ZCCHC24: variants seen among roughly 807,000 people sequenced by gnomAD.
The protein encoded by ZCCHC24 is zinc finger CCHC-type containing 24, also known as zinc finger CCHC domain-containing protein 24.
Under a neutral mutation model 26.2 loss-of-function variants are expected in ZCCHC24, and 10 were observed. That is an observed-to-expected ratio of 0.38 (90% CI 0.24 to 0.65). The LOEUF is 0.65. Among genes scored for constraint, ZCCHC24 ranks in the 30% least tolerant of loss-of-function variants. ZCCHC24 has a pLI of 0.54. For synonymous variants in ZCCHC24, 144 were observed against 147.1 expected, an observed-to-expected ratio of 0.98 and a Z score of 0.15; for missense variants, 243 against 329.1, an observed-to-expected ratio of 0.74 and a Z score of 2.03.
At chr10:79,386,901 A>G (rs1169847379) in intron 3 of ZCCHC24, among the ~76,000 whole-genome samples, 2 of 152,150 alleles carry the variant, frequency 1.3e-5, no homozygotes, top group African/African-American at 4.8e-5. Context: ...ACACGGGTGC[A>G]GCCTGTCAGA....
intron 2 of ZCCHC24, among the ~76,000 whole-genome samples, chr10:79,419,171 C>A (rs1237783823): frequency 1.3e-5 from 2 of 152,174 alleles, no homozygotes; most frequent in African/African-American, 4.8e-5. Flanking sequence ...TCACACCAAC[C>A]CTCCCATCAG....
intron 1 of ZCCHC24, among the ~76,000 whole-genome samples, chr10:79,437,706 C>T (rs547181712): frequency 1.3e-5 from 2 of 152,350 alleles, no homozygotes; most frequent in South Asian, 4.1e-4. Flanking sequence ...TGTCTCTGCG[C>T]TGCATGAGGG....
chr10:79,409,436 C>T (rs893205882), intron 2 of ZCCHC24, among the ~76,000 whole-genome samples: 2 of 152,156 alleles, frequency 1.3e-5, no homozygotes, highest in Non-Finnish European at 2.9e-5. Flanking sequence ...CCTCTCAGCT[C>T]ATGTGTCTGT....
In ZCCHC24 at chr10:79,386,317, G is replaced by A. The variant is rs750555292; in HGVS notation, c.*28C>T. 4.7e-5 allele frequency: 76 copies of A among 1,602,176 alleles called. No homozygotes were observed. In the East Asian group the frequency reaches 7.4e-4, roughly 16 times the overall value. On this transcript the variant is annotated 3_prime_UTR_variant, in exon 4 of 4. Transcript: ENST00000372336. The stretch of plus-strand genomic sequence containing the variant: ...CAGCGTCTCCTCGGGCTGGCGGGGG[G>A]TGGCTCTGGGTGCGGGCGGGCAGCC...
rs1036175995 is a variant in ZCCHC24, at chr10:79,386,110, C to T, written c.*235G>A. 16 of 594,834 alleles carry T rather than the reference C, an allele frequency of 2.7e-5. No individual in the cohort carries two copies. Among genetic ancestry groups the T allele is most frequent in the South Asian group, 4.2e-5 (2 of 47,868 alleles). The allele number at this position is 594,834 out of a possible 1,614,324, so 36.8% of individuals were successfully genotyped here. ...GTCCCCTCCACTGAGACCCCAGGCC[C>T]GCCTGCAAAAAGCCCCAGACTCCCT... On this transcript the variant is annotated 3_prime_UTR_variant, in exon 4 of 4. Coordinates refer to ENST00000372336, the MANE Select transcript of ZCCHC24 (RefSeq NM_153367.4).
intron 2 of ZCCHC24, among the ~76,000 whole-genome samples, chr10:79,414,904 G>C (rs1013381155): frequency 6.6e-6 from 1 of 152,208 alleles, no homozygotes; most frequent in Non-Finnish European, 1.5e-5. Flanking sequence ...TAGGGAAACA[G>C]AGACTGCAAG....
Position 79,445,332 on chromosome 10 carries a change from A to C in ZCCHC24, c.109T>G (p.Phe37Val). ...GTCGGCTCGGGCCGGAAGGCATCGAAGGCGCTAGCCTGGTGCGTGTCCTGC... is the reference window on the plus strand; with the variant it reads ...GTCGGCTCGGGCCGGAAGGCATCGACGGCGCTAGCCTGGTGCGTGTCCTGC... Reference protein sequence around the residue: ...SLQDTHQASAFDAFRPEPTAG... With the variant: ...SLQDTHQASAVDAFRPEPTAG... The change falls in exon 1 of 4, where the codon TTC (phenylalanine) becomes GTC (valine). Residue 37 changes from phenylalanine to valine, a missense_variant. Coordinates refer to ENST00000372336, the MANE Select transcript of ZCCHC24 (RefSeq NM_153367.4). 1 of 1,527,468 alleles carries C rather than the reference A, an allele frequency of 6.5e-7. No homozygotes were observed. Among genetic ancestry groups the C allele is most frequent in the East Asian group, 2.7e-5 (1 of 36,782 alleles). 94.6% of individuals were successfully genotyped at this position (1,527,468 alleles called of 1,614,324 possible).
At chr10:79,404,099 G>T (rs1486398621) in intron 2 of ZCCHC24, among the ~76,000 whole-genome samples, 1 of 152,106 alleles carries the variant, frequency 6.6e-6, no homozygotes, top group Non-Finnish European at 1.5e-5. Flanking sequence ...AACCAAAAGG[G>T]CTGGGAGACA....
intron 2 of ZCCHC24, among the ~76,000 whole-genome samples, chr10:79,401,234 C>A (rs752364792): frequency 6.6e-6 from 1 of 152,232 alleles, no homozygotes; most frequent in East Asian, 1.9e-4. Flanking sequence ...GCCTCACCCC[C>A]AGACCTGGCC....
chr10:79,438,227 C>A (rs1444929138), intron 1 of ZCCHC24, among the ~76,000 whole-genome samples: 1 of 152,146 alleles, frequency 6.6e-6, no homozygotes, highest in African/African-American at 2.4e-5. Flanking sequence ...CACAGACACG[C>A]GCACACACAC....
In ZCCHC24 at chr10:79,387,383, G is replaced by A. The variant is rs966593514; in HGVS notation, c.613-925C>T. ...GGCACAGACGAGCACATTTCTATTAGAGAGGGAGCTTCCCTGCTCGCTCTT... is the reference window on the plus strand; with the variant it reads ...GGCACAGACGAGCACATTTCTATTAAAGAGGGAGCTTCCCTGCTCGCTCTT... On this transcript the variant is annotated intron_variant, in intron 3 of 3. Transcript: ENST00000372336. Among the ~76,000 whole-genome samples the A allele has an allele frequency of 9.2e-5, 14 of 152,212 alleles. No individual in the cohort carries two copies. In the East Asian group the frequency reaches 1.7e-3, roughly 19 times the overall value.
At position 79,384,870 on chromosome 10, in the gene ZCCHC24, G is replaced by C. The variant is rs1354820536; in HGVS notation, c.*1475C>G. 6.6e-6 allele frequency: 1 copy of C among 151,868 alleles called. No homozygotes were observed. Among genetic ancestry groups the C allele is most frequent in the Non-Finnish European group, 1.5e-5 (1 of 67,982 alleles). 9.4% of individuals were successfully genotyped at this position (151,868 alleles called of 1,614,324 possible). ...TGTAGGGGCAAAATCAAGAGACCCA[G>C]TTCTGACAGCCGGGAGAAAGGAAGG... On this transcript the variant is annotated 3_prime_UTR_variant, in exon 4 of 4. Transcript: ENST00000372336.
chr10:79,411,041 C>T (rs1327647286), intron 2 of ZCCHC24, among the ~76,000 whole-genome samples: 2 of 152,126 alleles, frequency 1.3e-5, no homozygotes, highest in Non-Finnish European at 2.9e-5. Flanking sequence ...AAGGTGATGA[C>T]GGTGTCTTGT....
chr10:79,402,945 T>C (rs2132186242), intron 2 of ZCCHC24, among the ~76,000 whole-genome samples: 3 of 152,356 alleles, frequency 2.0e-5, no homozygotes, highest in Middle Eastern at 6.8e-3. Context: ...TAATTTACAC[T>C]GAGCACCCAC....
chr10:79,414,877 C>T (rs527735233), intron 2 of ZCCHC24, among the ~76,000 whole-genome samples: 1 of 152,320 alleles, frequency 6.6e-6, no homozygotes, highest in East Asian at 1.9e-4. Flanking sequence ...TGTCTAACCT[C>T]TCCTCCATAT....
At chr10:79,394,678 G>T in intron 2 of ZCCHC24, 2 of 963,738 alleles carry the variant, frequency 2.1e-6, no homozygotes, top group Non-Finnish European at 2.5e-6. Context: ...AGGAGATGGC[G>T]CACGTCTCTT....
rs1313745269 is a variant in ZCCHC24, at chr10:79,386,156, GGCA to G, written c.*186_*188del. ...TCCCTGCTTTCCCTGGCCTGTGGGG[GGCA>G]GCAATGTCAGTAACACTGTTTGTCA... On this transcript the variant is annotated 3_prime_UTR_variant, in exon 4 of 4. Coordinates refer to ENST00000372336, the MANE Select transcript of ZCCHC24 (RefSeq NM_153367.4). The G allele has an allele frequency of 1.6e-6, 1 of 612,218 alleles. No individual in the cohort carries two copies. Among genetic ancestry groups the G allele is most frequent in the African/African-American group, 1.8e-5 (1 of 54,244 alleles). 37.9% of individuals were successfully genotyped at this position (612,218 alleles called of 1,614,324 possible).
intron 1 of ZCCHC24, among the ~76,000 whole-genome samples, chr10:79,434,952 C>T (rs1231566576): frequency 1.3e-5 from 2 of 152,112 alleles, no homozygotes; most frequent in Non-Finnish European, 2.9e-5. Context: ...CAGGTACAAC[C>T]AGCCCAGCCC....
rs1856356873 is a variant in ZCCHC24 at position 79,383,894 on chromosome 10, C to T, written c.*2451G>A. 6.5e-6 allele frequency: 1 copy of T among 152,672 alleles called. No homozygotes were observed. The highest frequency in any genetic ancestry group is 1.5e-5 in the Non-Finnish European group (1 of 68,030). 9.5% of individuals were successfully genotyped at this position (152,672 alleles called of 1,614,324 possible). Reference sequence around the variant, plus strand: ...ATATGGGGTAAACACCATTATCTCCCAACTAGATCGCTAGATCTACCAACT... The same window carrying T: ...ATATGGGGTAAACACCATTATCTCCTAACTAGATCGCTAGATCTACCAACT... On this transcript the variant is annotated 3_prime_UTR_variant, in exon 4 of 4. Transcript: ENST00000372336.
Sources: gnomAD v4.1 joint callset for allele counts (sites outside exome capture counted in the v4.1 genomes callset) on GRCh38, gnomAD v4.1.1 for gene constraint, MANE v1.5 for transcripts, NCBI Gene and HGNC (gene_info 2026-07-23, HGNC 2026-07-21) for gene names.